Variants in TAB2 observed in about 807,000 individuals in gnomAD.
TAB2 encodes the protein TGF-beta-activated kinase 1 and MAP3K7-binding protein 2.
A neutral mutation model predicts 65.0 loss-of-function variants in TAB2; 3 were observed. The ratio of observed to expected loss-of-function variants is 0.05; its 90% CI spans 0.02 to 0.12. The LOEUF (loss-of-function observed/expected upper bound fraction) is 0.12, where lower values mean the gene tolerates loss of function less well. TAB2 is among the 10% of genes least tolerant of loss of function. The pLI is 1.00. For synonymous variants in TAB2, 298 were observed against 285.1 expected, an observed-to-expected ratio of 1.05 and a Z score of -0.46; for missense variants, 623 against 840.3, an observed-to-expected ratio of 0.74 and a Z score of 3.20.
intron 1 of TAB2, among the ~76,000 whole-genome samples, chr6:149,241,074 G>A (rs1777588584): frequency 6.6e-6 from 1 of 152,116 alleles, no homozygotes; most frequent in South Asian, 2.1e-4. Flanking sequence ...TCAAAAAAGA[G>A]GTTGTGTAAG....
At chr6:149,283,857 A>T (rs1465844869) in intron 1 of TAB2, among the ~76,000 whole-genome samples, 8 of 152,172 alleles carry the variant, frequency 5.3e-5, no homozygotes, top group Non-Finnish European at 1.0e-4. Flanking sequence ...TAATTTTTTT[A>T]AAAACATTTT....
chr6:149,365,848 T>C (rs1177427064), intron 1 of TAB2, among the ~76,000 whole-genome samples: 2 of 152,236 alleles, frequency 1.3e-5, no homozygotes, highest in Middle Eastern at 3.4e-3. Flanking sequence ...ATAATTTCTA[T>C]TGCTTTGTCT....
chr6:149,277,244 T>C (rs1778493011), intron 1 of TAB2, among the ~76,000 whole-genome samples: 1 of 152,338 alleles, frequency 6.6e-6, no homozygotes, highest in South Asian at 2.1e-4. Flanking sequence ...AGTTTATTCA[T>C]TGCAGTTTTG....
At chr6:149,237,886 A>G (rs1030978856) in intron 1 of TAB2, among the ~76,000 whole-genome samples, 7 of 152,194 alleles carry the variant, frequency 4.6e-5, no homozygotes, top group Admixed American at 3.3e-4. Context: ...TTTGAAAAAC[A>G]TCCACTTTTT....
At chr6:149,381,670 C>G (rs1304879988) in intron 3 of TAB2, among the ~76,000 whole-genome samples, 1 of 148,432 alleles carries the variant, frequency 6.7e-6, no homozygotes, top group African/African-American at 2.5e-5. Flanking sequence ...ACCTCCTGGG[C>G]TCAAGTGATC....
intron 1 of TAB2, among the ~76,000 whole-genome samples, chr6:149,227,313 T>C (rs1777302057): frequency 2.0e-5 from 3 of 152,216 alleles, no homozygotes; most frequent in Admixed American, 6.5e-5. Flanking sequence ...AATTTAATTA[T>C]CCTAACTACA....
intron 6 of TAB2, among the ~76,000 whole-genome samples, chr6:149,402,129 G>T (rs1782446744): frequency 6.6e-6 from 1 of 151,116 alleles, no homozygotes; most frequent in Non-Finnish European, 1.5e-5. Context: ...AGAAACAACA[G>T]AAAAAGAAAT....
At chr6:149,258,642 A>T (rs114296206) in intron 1 of TAB2, among the ~76,000 whole-genome samples, 4,154 of 152,314 alleles carry the variant, frequency 0.027, 65 homozygotes, top group Middle Eastern at 0.034. Context: ...GCATTGAGAA[A>T]ATGTTAATCA....
At chr6:149,272,399 G>A (rs1778379537) in intron 1 of TAB2, among the ~76,000 whole-genome samples, 1 of 152,226 alleles carries the variant, frequency 6.6e-6, no homozygotes, top group Non-Finnish European at 1.5e-5. Flanking sequence ...GGTGGTGACA[G>A]GGTCATGTTC....
At chr6:149,258,021 G>A (rs1289279114) in intron 1 of TAB2, among the ~76,000 whole-genome samples, 1 of 152,198 alleles carries the variant, frequency 6.6e-6, no homozygotes, top group Non-Finnish European at 1.5e-5. Context: ...CGCTACTATA[G>A]CAACTAGGGA....
At chr6:149,319,252 G>C (rs1480891346) in intron 1 of TAB2, among the ~76,000 whole-genome samples, 2 of 152,176 alleles carry the variant, frequency 1.3e-5, no homozygotes, top group Non-Finnish European at 2.9e-5. Flanking sequence ...TTTGCTTTCA[G>C]TTTTTTCACT....
intron 1 of TAB2, among the ~76,000 whole-genome samples, chr6:149,334,677 A>T (rs953615541): frequency 7.4e-6 from 1 of 135,578 alleles, no homozygotes; most frequent in African/African-American, 3.0e-5. Flanking sequence ...CTTGTCTCTT[A>T]AAAAAAAAAA....
chr6:149,335,938 A>G (rs1266930262), intron 1 of TAB2, among the ~76,000 whole-genome samples: 2 of 152,120 alleles, frequency 1.3e-5, no homozygotes, highest in Non-Finnish European at 2.9e-5. Context: ...CTATTTCTTT[A>G]TAATGTTTCA....
intron 1 of TAB2, among the ~76,000 whole-genome samples, chr6:149,328,977 T>C (rs535856628): frequency 6.6e-6 from 1 of 152,110 alleles, no homozygotes; most frequent in South Asian, 2.1e-4. Flanking sequence ...ACACCATGCA[T>C]GAAAGATGGA....
intron 6 of TAB2, chr6:149,400,851 G>A: frequency 2.8e-6 from 2 of 721,624 alleles, no homozygotes; most frequent in African/African-American, 1.8e-5. Flanking sequence ...TGAAGTAACT[G>A]GTATGTGTAC....
intron 1 of TAB2, among the ~76,000 whole-genome samples, chr6:149,333,024 A>G (rs1187689646): frequency 6.6e-6 from 1 of 152,196 alleles, no homozygotes; most frequent in Non-Finnish European, 1.5e-5. Flanking sequence ...TGTGTATTAT[A>G]ATTATCTGTT....
Position 149,398,073 on chromosome 6 carries a change from G to GTGT in TAB2, c.1858+12_1858+14dup. ...TTTTTCAAGCCCGAGGTAAAGTTCA[G>GTGT]TGTATTTGTAGCTGAAATTCATCGT... On this transcript the variant is annotated intron_variant, in intron 5 of 6. Transcript: ENST00000637181. 6.2e-7 allele frequency: 1 copy of GTGT among 1,609,994 alleles called. No homozygotes were observed. The highest frequency in any genetic ancestry group is 1.1e-5 in the South Asian group (1 of 90,954).
intron 6 of TAB2, among the ~76,000 whole-genome samples, chr6:149,403,353 C>CATATAT (rs1562456658): frequency 2.2e-5 from 3 of 139,050 alleles, no homozygotes; most frequent in African/African-American, 8.6e-5. Flanking sequence ...CACACACACA[C>CATATAT]ACACACACAC....
intron 1 of TAB2, among the ~76,000 whole-genome samples, chr6:149,258,954 C>T (rs959713049): frequency 1.3e-5 from 2 of 152,160 alleles, no homozygotes; most frequent in African/African-American, 4.8e-5. Context: ...CCACTGCTGG[C>T]TTTGAAAATG....
Sources: allele counts gnomAD v4.1 joint callset (sites outside exome capture counted in the v4.1 genomes callset), GRCh38; gene constraint gnomAD v4.1.1; transcripts MANE v1.5; gene names NCBI Gene and HGNC (gene_info 2026-07-23, HGNC 2026-07-21).